LUC7L2: variants seen among roughly 807,000 people sequenced by gnomAD.
The protein encoded by LUC7L2 is LUC7 like 2, pre-mRNA splicing factor, also known as putative RNA-binding protein Luc7-like 2.
Under a neutral mutation model 52.8 loss-of-function variants are expected in LUC7L2, and 25 were observed. That is an observed-to-expected ratio of 0.47 (90% confidence interval 0.34 to 0.66). LUC7L2 has a LOEUF of 0.66. Among genes scored for constraint, LUC7L2 ranks in the 30% least tolerant of loss-of-function variants. The pLI, the probability that LUC7L2 is intolerant of heterozygous loss-of-function variation, is 0.01. For missense variants in LUC7L2, 328 were observed against 497.8 expected (o/e 0.66, Z 3.25); for synonymous variants, 144 against 160.9 (o/e 0.89, Z 0.80).
At chr7:139,401,014 A>T (rs1031647933) in intron 3 of LUC7L2, among the ~76,000 whole-genome samples, 3 of 152,222 alleles carry the variant, frequency 2.0e-5, no homozygotes, top group African/African-American at 7.2e-5. Flanking sequence ...ATATTTCTGT[A>T]CAGTAAGATT....
At chr7:139,356,615 T>TAA (rs112295252), upstream of LUC7L2, among the ~76,000 whole-genome samples, 2,015 of 141,290 alleles carry the variant, frequency 0.014, 47 homozygotes, top group African/African-American at 0.048. Context: ...AAACCTGCGT[T>TAA]AAAAAAAAAA....
chr7:139,373,063 G>T (rs1800535007), intron 1 of LUC7L2, among the ~76,000 whole-genome samples: 1 of 152,118 alleles, frequency 6.6e-6, no homozygotes, highest in Admixed American at 6.5e-5. Flanking sequence ...AGGTGATTTG[G>T]TTCCTATTTG....
At chr7:139,409,736 G>T in intron 7 of LUC7L2, 82 bp downstream of exon 7, 1 of 1,447,906 alleles carries the variant, frequency 6.9e-7, no homozygotes, top group Non-Finnish European at 9.1e-7. Context: ...ATTTTAGATG[G>T]TGATAAATCT....
intron 1 of LUC7L2, among the ~76,000 whole-genome samples, chr7:139,373,504 T>C (rs1239370344): frequency 2.0e-5 from 3 of 152,218 alleles, no homozygotes; most frequent in Non-Finnish European, 4.4e-5. Flanking sequence ...TGAGGAGTTA[T>C]TTTAAAATGT....
chr7:139,351,565 C>G (rs144203416), intron 1 of LUC7L2, among the ~76,000 whole-genome samples: 241 of 152,330 alleles, frequency 1.6e-3, no homozygotes, highest in African/African-American at 5.4e-3. Flanking sequence ...CAGATCTGTT[C>G]TTGTCATTCT....
chr7:139,380,579 A>G (rs1800962671), intron 2 of LUC7L2, among the ~76,000 whole-genome samples: 1 of 152,220 alleles, frequency 6.6e-6, no homozygotes, highest in Non-Finnish European at 1.5e-5. Flanking sequence ...CAGCCTGAGC[A>G]AAAGAGCGAG....
rs79525558 is a variant in LUC7L2, at chr7:139,365,023, T to C, written c.61+4701T>C. 3.3e-3 allele frequency among the ~76,000 whole-genome samples: 498 copies of C among 152,354 alleles called. 3 individuals are homozygous for C. Among genetic ancestry groups the C allele is most frequent in the African/African-American group, 0.012 (480 of 41,584 alleles). On this transcript the variant is annotated intron_variant, in intron 1 of 9. Transcript: ENST00000354926. The stretch of plus-strand genomic sequence containing the variant: ...ATTTCTTAGTCTAGAGCTTGTAAAT[T>C]CTTTAATATAAGGAGTTTTATAGGA...
chr7:139,386,792 C>T (rs927914913), intron 2 of LUC7L2, among the ~76,000 whole-genome samples: 3 of 152,044 alleles, frequency 2.0e-5, no homozygotes, highest in Admixed American at 2.0e-4. Flanking sequence ...ATTAAGGGAA[C>T]TTCTAAAAGC....
At chr7:139,347,486 C>T (rs1275849556) in intron 1 of LUC7L2, among the ~76,000 whole-genome samples, 4 of 151,976 alleles carry the variant, frequency 2.6e-5, no homozygotes, top group Admixed American at 2.6e-4. Flanking sequence ...ACTCAGGAGG[C>T]TGAGGCAGGA....
At chr7:139,341,378 C>T (rs1410349347) in intron 1 of LUC7L2, 1 of 1,611,202 alleles carries the variant, frequency 6.2e-7, no homozygotes, top group South Asian at 1.1e-5. Flanking sequence ...CGGAGAAGGA[C>T]AGGACAATGG....
At chr7:139,345,133 G>A (rs74826683) in intron 1 of LUC7L2, 1 of 183,618 alleles carries the variant, frequency 5.4e-6, no homozygotes, top group Non-Finnish European at 1.1e-5. Context: ...TATTCTTTAG[G>A]TGACATTAAT....
At position 139,405,460 on chromosome 7, in the gene LUC7L2, G is replaced by C. The variant is rs186158028; in HGVS notation, c.367-184G>C. Among the ~76,000 whole-genome samples, 34 of 152,316 alleles carry C rather than the reference G, an allele frequency of 2.2e-4. 1 individual carries two copies. Among genetic ancestry groups the C allele is most frequent in the Admixed American group, 1.2e-3 (19 of 15,290 alleles). On this transcript the variant is annotated intron_variant, in intron 4 of 9. Transcript: ENST00000354926. ...CCAGTAGTAGCCCTGACTTCATTGA[G>C]GTAAGGCAGGCAGGCTCAGAACATC...
intron 1 of LUC7L2, among the ~76,000 whole-genome samples, chr7:139,343,926 CAAA>C (rs1163028006): frequency 4.8e-5 from 5 of 104,890 alleles, no homozygotes; most frequent in Non-Finnish European, 2.2e-5. Context: ...ACCCTGTCCC[CAAA>C]AAAAAAAAAA....
chr7:139,405,063 C>G (rs1236400721), intron 4 of LUC7L2, among the ~76,000 whole-genome samples: 1 of 152,124 alleles, frequency 6.6e-6, no homozygotes, highest in Non-Finnish European at 1.5e-5. Context: ...AAGGAACTGT[C>G]AAAAAAGATA....
At chr7:139,399,064 T>A (rs1276122371) in intron 3 of LUC7L2, among the ~76,000 whole-genome samples, 1 of 128,044 alleles carries the variant, frequency 7.8e-6, no homozygotes, top group Non-Finnish European at 1.5e-5. Flanking sequence ...TATTTTTGAA[T>A]CTACTTATAT....
At chr7:139,346,879 A>G (rs1303580810) in intron 1 of LUC7L2, among the ~76,000 whole-genome samples, 1 of 152,176 alleles carries the variant, frequency 6.6e-6, no homozygotes, top group African/African-American at 2.4e-5. Context: ...TTCATTTGGT[A>G]TTCCTCTCTC....
intron 2 of LUC7L2, among the ~76,000 whole-genome samples, chr7:139,397,288 G>A (rs906094884): frequency 4.6e-5 from 7 of 152,076 alleles, no homozygotes; most frequent in African/African-American, 1.7e-4. Context: ...CAGTTTAATT[G>A]TATCCTCTTC....
chr7:139,351,033 C>T (rs1246431273), intron 1 of LUC7L2, among the ~76,000 whole-genome samples: 1 of 152,052 alleles, frequency 6.6e-6, no homozygotes, highest in Non-Finnish European at 1.5e-5. Flanking sequence ...CTGTGTATCC[C>T]TTACATGTTG....
chr7:139,397,909 T>TA (rs1310194891), intron 2 of LUC7L2, among the ~76,000 whole-genome samples: 8 of 152,216 alleles, frequency 5.3e-5, no homozygotes, highest in Non-Finnish European at 1.2e-4. Flanking sequence ...TCTGTGCACT[T>TA]ATGTTGGGTC....
Sources: allele counts gnomAD v4.1 joint callset (sites outside exome capture counted in the v4.1 genomes callset), GRCh38; gene constraint gnomAD v4.1.1; transcripts MANE v1.5; gene names NCBI Gene and HGNC (gene_info 2026-07-23, HGNC 2026-07-21).